Variants in KCND3 observed in about 807,000 individuals in gnomAD.
KCND3 encodes the protein potassium voltage-gated channel subfamily D member 3, also known as A-type voltage-gated potassium channel KCND3.
A neutral mutation model predicts 51.1 loss-of-function variants in KCND3; 9 were observed. That is an observed-to-expected ratio of 0.18 (90% CI 0.11 to 0.31). The LOEUF (loss-of-function observed/expected upper bound fraction) is 0.31, where lower values mean the gene tolerates loss of function less well. Among genes scored for constraint, KCND3 ranks in the 10% least tolerant of loss-of-function variants. The pLI, the probability that KCND3 is intolerant of heterozygous loss-of-function variation, is 1.00. For synonymous variants in KCND3, 349 were observed against 368.0 expected, an observed-to-expected ratio of 0.95 and a Z score of 0.59; for missense variants, 526 against 903.8, an observed-to-expected ratio of 0.58 and a Z score of 5.36.
At chr1:111,934,929 T>A (rs1672150038) in intron 2 of KCND3, among the ~76,000 whole-genome samples, 1 of 152,238 alleles carries the variant, frequency 6.6e-6, no homozygotes, top group African/African-American at 2.4e-5. Flanking sequence ...CATTAATGCC[T>A]GGCATGTGGT....
chr1:111,841,935 G>C (rs1033684178), intron 2 of KCND3, among the ~76,000 whole-genome samples: 6 of 152,330 alleles, frequency 3.9e-5, no homozygotes, highest in Middle Eastern at 3.4e-3. Flanking sequence ...CAGGCCTGGG[G>C]GGGTCAGGGG....
At chr1:111,854,224 G>A (rs1026734585) in intron 2 of KCND3, among the ~76,000 whole-genome samples, 1 of 152,166 alleles carries the variant, frequency 6.6e-6, no homozygotes. Flanking sequence ...CTTGACCAGG[G>A]GGTAGAGATG....
chr1:111,912,942 AT>A (rs1438443869), intron 2 of KCND3, among the ~76,000 whole-genome samples: 3 of 152,208 alleles, frequency 2.0e-5, no homozygotes, highest in African/African-American at 7.2e-5. Context: ...AGAAGAAACA[AT>A]TTTGTAGTAT....
intron 2 of KCND3, among the ~76,000 whole-genome samples, chr1:111,931,348 T>C (rs919976628): frequency 6.6e-6 from 1 of 152,128 alleles, no homozygotes; most frequent in Non-Finnish European, 1.5e-5. Context: ...ATGGCCTTCA[T>C]ACACCCAAAA....
intron 2 of KCND3, among the ~76,000 whole-genome samples, chr1:111,972,810 T>C (rs544304940): frequency 7.2e-5 from 11 of 152,366 alleles, no homozygotes; most frequent in African/African-American, 2.2e-4. Context: ...TGCCTACTAA[T>C]ATGCCTTGCA....
chr1:111,920,807 G>A (rs1261769460), intron 2 of KCND3, among the ~76,000 whole-genome samples: 1 of 152,190 alleles, frequency 6.6e-6, no homozygotes, highest in Non-Finnish European at 1.5e-5. Flanking sequence ...ACCAAGATGG[G>A]GCTGCCTTGA....
chr1:111,982,870 A>G lies in KCND3; in HGVS notation c.-72-72T>C, dbSNP rs923734843. ...TGGCAGGTAAGAAATGGGACACAGG[A>G]AAGGATCACTGGTGAGTGAAACGGC... On this transcript the variant is annotated intron_variant, in intron 1 of 7. Transcript: ENST00000302127. This position sits in a 1 kb window ranked among gnomAD's most constrained non-coding sequence, Gnocchi z 8.5. 15 of 1,180,268 alleles carry G rather than the reference A, an allele frequency of 1.3e-5. No homozygotes were observed. The African/African-American group carries it at 2.3e-4, about 18-fold the overall frequency. 73.1% of individuals were successfully genotyped at this position (1,180,268 alleles called of 1,614,324 possible).
chr1:111,985,694 A>G (rs1295030145), intron 1 of KCND3, among the ~76,000 whole-genome samples: 1 of 152,222 alleles, frequency 6.6e-6, no homozygotes. Context: ...CAATTCAAGT[A>G]TCTGCCTCTG....
intron 2 of KCND3, among the ~76,000 whole-genome samples, chr1:111,946,930 C>T (rs901818181): frequency 1.3e-5 from 2 of 152,186 alleles, no homozygotes; most frequent in African/African-American, 4.8e-5. Context: ...AGGATTAGTC[C>T]CTTTTTTTGC....
At chr1:111,804,561 C>A (rs2101555329) in intron 2 of KCND3, among the ~76,000 whole-genome samples, 1 of 152,326 alleles carries the variant, frequency 6.6e-6, no homozygotes, top group East Asian at 1.9e-4. Context: ...CTGCCTGTAG[C>A]CTCTGTGGGA....
chr1:111,940,555 C>T (rs751203514), intron 2 of KCND3, among the ~76,000 whole-genome samples: 1 of 152,174 alleles, frequency 6.6e-6, no homozygotes, highest in African/African-American at 2.4e-5. Context: ...GGCATTCTCT[C>T]TGAGGCCTCT....
chr1:111,863,427 G>A (rs995006166), intron 2 of KCND3, among the ~76,000 whole-genome samples: 1 of 152,160 alleles, frequency 6.6e-6, no homozygotes, highest in African/African-American at 2.4e-5. Context: ...TGAGAAGCAG[G>A]AAGCCCTCAG....
intron 2 of KCND3, among the ~76,000 whole-genome samples, chr1:111,854,456 A>G (rs1667964947): frequency 6.6e-6 from 1 of 152,114 alleles, no homozygotes; most frequent in East Asian, 1.9e-4. Flanking sequence ...AGAGGGGCTT[A>G]GCCTAGATAG....
chr1:111,987,910 T>C (rs538060722), intron 1 of KCND3, among the ~76,000 whole-genome samples: 8 of 152,086 alleles, frequency 5.3e-5, no homozygotes. Context: ...ATGAAAAAGG[T>C]GACAAATCCT....
In KCND3 at chr1:111,771,585, A is replaced by C. The variant is rs1663908158; in HGVS notation, c.*4492T>G. On this transcript the variant is annotated 3_prime_UTR_variant, in exon 8 of 8. Coordinates refer to ENST00000302127, the MANE Select transcript of KCND3 (RefSeq NM_001378969.1). ...TTCAACCACTTCCTCTGCAAAACTT[A>C]AGGAAAAACTCTTAAGTACATAATG... is the stretch of plus-strand genomic sequence containing the variant. The C allele has an allele frequency of 6.6e-6, 1 of 152,216 alleles. No homozygotes were observed. Among genetic ancestry groups the C allele is most frequent in the Admixed American group, 6.5e-5 (1 of 15,282 alleles). The allele number at this position is 152,216 out of a possible 1,614,324, so 9.4% of individuals were successfully genotyped here.
chr1:111,839,757 G>A (rs1322406102), intron 2 of KCND3, among the ~76,000 whole-genome samples: 1 of 152,220 alleles, frequency 6.6e-6, no homozygotes, highest in Non-Finnish European at 1.5e-5. Context: ...AGGAGACAGA[G>A]GCTTGGTGAG....
At chr1:111,874,672 G>T (rs935869285) in intron 2 of KCND3, among the ~76,000 whole-genome samples, 5 of 152,190 alleles carry the variant, frequency 3.3e-5, no homozygotes, top group Non-Finnish European at 7.3e-5. Flanking sequence ...GCCTGAGCAA[G>T]GAGGTGAACT....
rs190482790 is a variant in KCND3, at chr1:111,848,342, G to A, written c.1107-61236C>T. 7.4e-3 allele frequency among the ~76,000 whole-genome samples: 1,128 copies of A among 152,316 alleles called. 8 individuals are homozygous for A. Among genetic ancestry groups the A allele is most frequent in the Non-Finnish European group, 0.012 (830 of 68,020 alleles). On this transcript the variant is annotated intron_variant, in intron 2 of 7. Coordinates refer to ENST00000302127, the MANE Select transcript of KCND3 (RefSeq NM_001378969.1). ...GGACCCCAGAGGGGTATGGTTGTGG[G>A]TGGGCACCTACAGACCATTTTCTGC...
At chr1:111,869,637 C>A (rs1029956059) in intron 2 of KCND3, among the ~76,000 whole-genome samples, 1 of 152,186 alleles carries the variant, frequency 6.6e-6, no homozygotes, top group Non-Finnish European at 1.5e-5. Context: ...TCTCTCATTG[C>A]CAGACCCTGT....
Sources: allele counts gnomAD v4.1 joint callset (sites outside exome capture counted in the v4.1 genomes callset), GRCh38; gene constraint gnomAD v4.1.1; non-coding constraint Gnocchi (gnomAD v3.1); transcripts MANE v1.5; gene names NCBI Gene and HGNC (gene_info 2026-07-23, HGNC 2026-07-21).